STRIT1: variants seen among roughly 807,000 people sequenced by gnomAD.
STRIT1 encodes the protein small transmembrane regulator of ion transport 1, also known as sarcoplasmic/endoplasmic reticulum calcium ATPase regulator DWORF.
rs1045735712 is a variant in STRIT1 at position 155,291,022 on chromosome 3, T to A, written c.30A>T (p.Ser10=). 2.5e-5 allele frequency: 10 copies of A among 398,568 alleles called. No homozygotes were observed. Among genetic ancestry groups the A allele is most frequent in the Non-Finnish European group, 4.4e-5 (10 of 225,874 alleles). 24.7% of individuals were successfully genotyped at this position (398,568 alleles called of 1,614,324 possible). A position where few individuals can be genotyped will look rare whatever the true frequency, so the allele number is the denominator to read the frequency against. The stretch of plus-strand genomic sequence containing the variant: ...GGAGAAGAATAGGAACCAGAAGGTG[T>A]GAAAATGTAGACCCCGCTTTAAAAT... MAEKAGSTF[S]HLLVPILLLI... is the part of the protein sequence containing the mutation. Residue 10 remains serine (S), a synonymous_variant, in exon 2 of 3, where the codon TCA becomes TCT. Transcript: ENST00000489090.
intron 1 of STRIT1, chr3:155,291,326 C>T: frequency 4.0e-6 from 1 of 249,010 alleles, no homozygotes; most frequent in East Asian, 7.0e-5. Context: ...TGCTCTCTAC[C>T]TCCTGGAATA....
At chr3:155,293,593 A>T (rs1316791750) in intron 1 of STRIT1, 27 bp downstream of exon 1, 3 of 392,966 alleles carry the variant, frequency 7.6e-6, no homozygotes, top group African/African-American at 6.4e-5. Context: ...TTTTTTTGCC[A>T]AGAGAATCCT....
intron 2 of STRIT1, 46 bp downstream of exon 2, chr3:155,290,894 G>A: frequency 2.5e-6 from 1 of 397,922 alleles, no homozygotes; most frequent in Non-Finnish European, 4.4e-6. Context: ...ATTGTTTCTG[G>A]AGTAATTTAG....
chr3:155,292,338 A>G (rs185948773), intron 1 of STRIT1, among the ~76,000 whole-genome samples: 4 of 152,284 alleles, frequency 2.6e-5, no homozygotes, highest in South Asian at 2.1e-4. Flanking sequence ...AAAGCAAACA[A>G]CATGAGTTGC....
intron 1 of STRIT1, among the ~76,000 whole-genome samples, chr3:155,292,865 A>G (rs1715667701): frequency 6.6e-6 from 1 of 152,112 alleles, no homozygotes; most frequent in Non-Finnish European, 1.5e-5. Context: ...TCTTGAGGAC[A>G]CTGTGCTCTG....
rs139486716 is a variant in STRIT1 at position 155,290,704 on chromosome 3, A to G, written c.*147T>C. 1.2e-3 allele frequency: 391 copies of G among 318,822 alleles called. 2 individuals are homozygous for G. Among genetic ancestry groups the G allele is most frequent in the Middle Eastern group, 1.0e-2 (12 of 1,206 alleles). 19.7% of individuals were successfully genotyped at this position (318,822 alleles called of 1,614,324 possible). On this transcript the variant is annotated 3_prime_UTR_variant, in exon 3 of 3. Coordinates refer to ENST00000489090, the MANE Select transcript of STRIT1 (RefSeq NM_001352129.2). ...TTCTTATTGTCCTGAAGAAATTCTTATGCATACCAAAGTGCCAGTTTATGA... is the reference window on the plus strand; with the variant it reads ...TTCTTATTGTCCTGAAGAAATTCTTGTGCATACCAAAGTGCCAGTTTATGA...
At position 155,291,165 on chromosome 3, in the gene STRIT1, A is replaced by G. The variant is rs530033607; in HGVS notation, c.14-127T>C. 6.6e-5 allele frequency: 26 copies of G among 392,222 alleles called. No individual in the cohort carries two copies. In the Admixed American group the frequency reaches 9.3e-4, roughly 14 times the overall value. 24.3% of individuals were successfully genotyped at this position (392,222 alleles called of 1,614,324 possible). Reference sequence around the variant, plus strand: ...ATACACTCTCTAGTTATACCCATACATAATTATTTTTTCTTTTCTACAGAG... The same window carrying G: ...ATACACTCTCTAGTTATACCCATACGTAATTATTTTTTCTTTTCTACAGAG... On this transcript the variant is annotated intron_variant, in intron 1 of 2. Coordinates refer to ENST00000489090, the MANE Select transcript of STRIT1 (RefSeq NM_001352129.2).
chr3:155,293,136 A>C (rs1390956023), intron 1 of STRIT1, among the ~76,000 whole-genome samples: 1 of 152,182 alleles, frequency 6.6e-6, no homozygotes, highest in Admixed American at 6.5e-5. Context: ...AAATACAAAA[A>C]AATGTTTAAA....
chr3:155,291,209 A>G, intron 1 of STRIT1, 171 bp from the exon 2 acceptor site: 2 of 378,118 alleles, frequency 5.3e-6, no homozygotes, highest in East Asian at 7.5e-5. Context: ...AGACTGTCAT[A>G]AACCCTGGGT....
At chr3:155,290,916 A>C (rs564706859) in intron 2 of STRIT1, 24 bp downstream of exon 2, 1 of 398,476 alleles carries the variant, frequency 2.5e-6, no homozygotes, top group African/African-American at 2.1e-5. Context: ...CTATAAATAA[A>C]CATTCAATTA....
intron 1 of STRIT1, among the ~76,000 whole-genome samples, chr3:155,292,788 T>C (rs1715666483): frequency 6.6e-6 from 1 of 152,184 alleles, no homozygotes. Context: ...AAACATGAAG[T>C]GTAATTCTAA....
In STRIT1 at chr3:155,290,441, T is replaced by G. The variant is rs1223774691; in HGVS notation, c.*410A>C. The G allele has an allele frequency of 7.4e-6, 1 of 134,594 alleles. No individual in the cohort carries two copies. Among genetic ancestry groups the G allele is most frequent in the Admixed American group, 7.9e-5 (1 of 12,596 alleles). 8.3% of individuals were successfully genotyped at this position (134,594 alleles called of 1,614,324 possible). ...TTTTTGTAGAGATGGGGTCTCTCTC[T>G]GTCGCCTAGGAAGGTCTCCAATTTC... is the stretch of plus-strand genomic sequence containing the variant. On this transcript the variant is annotated 3_prime_UTR_variant, in exon 3 of 3. Transcript: ENST00000489090.
intron 1 of STRIT1, among the ~76,000 whole-genome samples, chr3:155,291,770 G>A (rs1409710654): frequency 6.6e-6 from 1 of 152,066 alleles, no homozygotes; most frequent in African/African-American, 2.4e-5. Flanking sequence ...ACTCTTACCT[G>A]TAAAAAGCAA....
At position 155,290,850 on chromosome 3, in the gene STRIT1, A is replaced by G. The variant is rs1715618551; in HGVS notation, c.*5-4T>C. 1 of 395,644 alleles carries G rather than the reference A, an allele frequency of 2.5e-6. No individual in the cohort carries two copies. The highest frequency in any genetic ancestry group is 2.1e-5 in the African/African-American group (1 of 48,560). The allele number at this position is 395,644 out of a possible 1,614,324, so 24.5% of individuals were successfully genotyped here. On this transcript the variant is annotated splice_polypyrimidine_tract_variant and splice_region_variant and intron_variant, in intron 2 of 2. Coordinates refer to ENST00000489090, the MANE Select transcript of STRIT1 (RefSeq NM_001352129.2). Reference sequence around the variant, plus strand: ...TGTCAATCTGATATCTTCTTGCCTGAAAGACAAAACATTCCATTAGTAAAA... The same window carrying G: ...TGTCAATCTGATATCTTCTTGCCTGGAAGACAAAACATTCCATTAGTAAAA...
chr3:155,292,368 G>A (rs749432821), intron 1 of STRIT1, among the ~76,000 whole-genome samples: 1 of 152,050 alleles, frequency 6.6e-6, no homozygotes, highest in African/African-American at 2.4e-5. Flanking sequence ...TCATTTGGAC[G>A]AAAGCCTTTT....
intron 1 of STRIT1, among the ~76,000 whole-genome samples, chr3:155,291,908 A>G (rs536312529): frequency 3.7e-4 from 57 of 152,302 alleles, no homozygotes; most frequent in African/African-American, 1.3e-3. Flanking sequence ...GAGCGCAGAA[A>G]AACATTCTAT....
At chr3:155,291,128 T>C (rs1715624737) in intron 1 of STRIT1, 90 bp from the exon 2 acceptor site, 1 of 396,206 alleles carries the variant, frequency 2.5e-6, no homozygotes, top group Non-Finnish European at 4.5e-6. Context: ...TTGGTAACAT[T>C]AAGAAAAAAG....
In STRIT1 at chr3:155,290,453, A is replaced by T. The variant is rs1463831114; in HGVS notation, c.*398T>A. 8.2e-6 allele frequency: 1 copy of T among 122,648 alleles called. No homozygotes were observed. Among genetic ancestry groups the T allele is most frequent in the Non-Finnish European group, 1.6e-5 (1 of 63,638 alleles). 7.6% of individuals were successfully genotyped at this position (122,648 alleles called of 1,614,324 possible). On this transcript the variant is annotated 3_prime_UTR_variant, in exon 3 of 3. Transcript: ENST00000489090. ...TGGGGTCTCTCTCTGTCGCCTAGGA[A>T]GGTCTCCAATTTCTGGGCTCAAAGG...
Position 155,291,056 on chromosome 3 carries a change from G to T in STRIT1, c.14-18C>A. 1 of 398,462 alleles carries T rather than the reference G, an allele frequency of 2.5e-6. No individual in the cohort carries two copies. Among genetic ancestry groups the T allele is most frequent in the Non-Finnish European group, 4.4e-6 (1 of 225,740 alleles). 24.7% of individuals were successfully genotyped at this position (398,462 alleles called of 1,614,324 possible). On this transcript the variant is annotated intron_variant, in intron 1 of 2. Transcript: ENST00000489090. ...AGACCCCGCTTTAAAATAAACCGTA[G>T]AAAACAGATTATATTGGTCATTTTC...
Sources: allele counts gnomAD v4.1 joint callset (sites outside exome capture counted in the v4.1 genomes callset), GRCh38; gene constraint gnomAD v4.1.1; transcripts MANE v1.5; gene names NCBI Gene and HGNC (gene_info 2026-07-23, HGNC 2026-07-21).